Variants in PDGFC observed in about 807,000 individuals in gnomAD.
PDGFC encodes the protein platelet derived growth factor C, also known as platelet-derived growth factor C.
A neutral mutation model predicts 35.5 loss-of-function variants in PDGFC; 12 were observed. The ratio of observed to expected loss-of-function variants is 0.34; its 90% CI spans 0.22 to 0.55. The LOEUF is 0.55. Ranked by LOEUF, PDGFC falls within the 20% of genes least tolerant of loss-of-function variation. The pLI, the probability that PDGFC is intolerant of heterozygous loss-of-function variation, is 0.91. For synonymous variants in PDGFC, 159 were observed against 148.8 expected, an observed-to-expected ratio of 1.07 and a Z score of -0.50; for missense variants, 322 against 412.4, an observed-to-expected ratio of 0.78 and a Z score of 1.90.
intron 2 of PDGFC, among the ~76,000 whole-genome samples, chr4:156,827,996 A>C (rs1728825297): frequency 6.6e-6 from 1 of 152,214 alleles, no homozygotes; most frequent in Admixed American, 6.5e-5. Context: ...CTCTCCTCCG[A>C]ACATGCAGGC....
intron 1 of PDGFC, among the ~76,000 whole-genome samples, chr4:156,855,070 C>G (rs1289452312): frequency 6.6e-6 from 1 of 151,892 alleles, no homozygotes; most frequent in African/African-American, 2.4e-5. Flanking sequence ...AATGTAAATA[C>G]TGTAAAACTG....
chr4:156,791,851 C>G (rs916294767), intron 3 of PDGFC, among the ~76,000 whole-genome samples: 1 of 152,152 alleles, frequency 6.6e-6, no homozygotes, highest in Non-Finnish European at 1.5e-5. Context: ...CATGTCTTCA[C>G]TGAGTAATAC....
intron 2 of PDGFC, 86 bp downstream of exon 2, chr4:156,850,135 A>G (rs1729417757): frequency 1.4e-5 from 9 of 654,008 alleles, no homozygotes; most frequent in Non-Finnish European, 1.2e-5. Flanking sequence ...AAAAGATGTC[A>G]TTTAAAATCA....
intron 1 of PDGFC, among the ~76,000 whole-genome samples, chr4:156,872,662 CTTA>C (rs1239165364): frequency 2.0e-5 from 3 of 152,308 alleles, no homozygotes; most frequent in East Asian, 3.9e-4. Flanking sequence ...CAAAATATGT[CTTA>C]TTATATATTC....
chr4:156,944,285 A>G (rs1419229286), intron 1 of PDGFC, among the ~76,000 whole-genome samples: 1 of 152,112 alleles, frequency 6.6e-6, no homozygotes, highest in Non-Finnish European at 1.5e-5. Flanking sequence ...GATGGTAAAC[A>G]CTGAGTATGT....
intron 1 of PDGFC, among the ~76,000 whole-genome samples, chr4:156,889,965 T>C (rs80305101): frequency 0.02 from 3,016 of 152,286 alleles, 90 homozygotes; most frequent in African/African-American, 0.068. Flanking sequence ...ACTTATTTGA[T>C]TGACTCATTG....
intron 1 of PDGFC, among the ~76,000 whole-genome samples, chr4:156,867,987 T>G (rs1307723101): frequency 6.6e-6 from 1 of 152,062 alleles, no homozygotes; most frequent in Non-Finnish European, 1.5e-5. Flanking sequence ...AAGCGATTCT[T>G]GTGCCTCAGC....
At chr4:156,888,442 C>A (rs79629244) in intron 1 of PDGFC, among the ~76,000 whole-genome samples, 1 of 152,138 alleles carries the variant, frequency 6.6e-6, no homozygotes, top group Non-Finnish European at 1.5e-5. Context: ...GGAAACAAGA[C>A]CTTTTCTGAT....
At chr4:156,905,932 C>T (rs1730904975) in intron 1 of PDGFC, among the ~76,000 whole-genome samples, 1 of 151,698 alleles carries the variant, frequency 6.6e-6, no homozygotes, top group South Asian at 2.1e-4. Flanking sequence ...CCTAGCTCTG[C>T]TTACAAGCCT....
At chr4:156,859,021 A>C (rs1269356295) in intron 1 of PDGFC, among the ~76,000 whole-genome samples, 2 of 152,078 alleles carry the variant, frequency 1.3e-5, no homozygotes, top group South Asian at 2.1e-4. Context: ...AAATTTACCA[A>C]TGAAAGTAAC....
At position 156,767,973 on chromosome 4, in the gene PDGFC, G is replaced by C. The variant is rs201389930; in HGVS notation, c.721C>G (p.Leu241Val). The C allele has an allele frequency of 3.7e-6, 6 of 1,605,614 alleles. No individual in the cohort carries two copies. In the African/African-American group the frequency reaches 5.3e-5, roughly 14 times the overall value. Reference protein sequence around the residue: ...RKSRVVDLNLLTEEVRLYSCT... With the variant: ...RKSRVVDLNLVTEEVRLYSCT... ...CTGTATAATCTTACCTCCTCTGTTAGAAGGTTCAGATCCACCACTATATGG... is the reference window on the plus strand; with the variant it reads ...CTGTATAATCTTACCTCCTCTGTTACAAGGTTCAGATCCACCACTATATGG... Residue 241 changes from leucine to valine, a missense_variant, in exon 5 of 6, where the codon CTA (leucine) becomes GTA (valine). By Grantham distance (32) the Leu-to-Val change is conservative. Around this residue, in one of 2 missense-constraint regions of PDGFC, gnomAD observed 202 missense variants for 295.9 expected, o/e 0.68. Transcript: ENST00000502773.
intron 3 of PDGFC, among the ~76,000 whole-genome samples, chr4:156,798,364 T>C (rs2110905726): frequency 6.6e-6 from 1 of 152,284 alleles, no homozygotes; most frequent in African/African-American, 2.4e-5. Flanking sequence ...AGTTAAAATC[T>C]GCAAATTGCT....
intron 3 of PDGFC, among the ~76,000 whole-genome samples, chr4:156,780,549 A>G (rs952107543): frequency 6.6e-6 from 1 of 152,178 alleles, no homozygotes; most frequent in Non-Finnish European, 1.5e-5. Context: ...GACATTGTCA[A>G]TTATATGTTC....
rs146303598 is a variant in PDGFC, at chr4:156,891,525, T to C, written c.119-41109A>G. 3.9e-4 allele frequency among the ~76,000 whole-genome samples: 59 copies of C among 151,884 alleles called. No individual in the cohort carries two copies. The East Asian group carries it at 9.1e-3, about 23-fold the overall frequency. On this transcript the variant is annotated intron_variant, in intron 1 of 5. Transcript: ENST00000502773. ...TTTTTAAGACTAGCATGATTCTCTA[T>C]TGGAGTTTACATTCAAATCCTTTTC...
At chr4:156,768,641 A>T (rs1730607952) in intron 4 of PDGFC, among the ~76,000 whole-genome samples, 2 of 152,054 alleles carry the variant, frequency 1.3e-5, no homozygotes, top group Admixed American at 1.3e-4. Context: ...CCCATCTTGG[A>T]AATTCAGACT....
chr4:156,951,324 G>C (rs780958291), intron 1 of PDGFC, among the ~76,000 whole-genome samples: 2 of 151,816 alleles, frequency 1.3e-5, no homozygotes, highest in Non-Finnish European at 2.9e-5. Flanking sequence ...CAGGCAAATA[G>C]TTTAAAGAAA....
intron 1 of PDGFC, among the ~76,000 whole-genome samples, chr4:156,906,045 A>C (rs1730908429): frequency 6.6e-6 from 1 of 152,190 alleles, no homozygotes. Flanking sequence ...TACATTTATA[A>C]TCTATACATA....
chr4:156,897,344 G>GTGT (rs1730656800), intron 1 of PDGFC, among the ~76,000 whole-genome samples: 1 of 118,678 alleles, frequency 8.4e-6, no homozygotes, highest in Non-Finnish European at 1.8e-5. Flanking sequence ...GAGTGTGTGA[G>GTGT]AGTGTATGTG....
At chr4:156,786,688 T>C (rs1397885980) in intron 3 of PDGFC, among the ~76,000 whole-genome samples, 2 of 152,314 alleles carry the variant, frequency 1.3e-5, no homozygotes, top group South Asian at 2.1e-4. Flanking sequence ...CCCAGTTACA[T>C]TTGAATTTCA....
Sources: gnomAD v4.1 joint callset for allele counts (sites outside exome capture counted in the v4.1 genomes callset) on GRCh38, gnomAD v4.1.1 for gene constraint, gnomAD v4.1.1 regional missense constraint, MANE v1.5 for transcripts, NCBI Gene and HGNC (gene_info 2026-07-23, HGNC 2026-07-21) for gene names.